Variants in DEUP1 observed in about 807,000 individuals in gnomAD.
DEUP1 encodes the protein deuterosome assembly protein 1, also known as coiled-coil domain containing 67.
DEUP1 carries 82 observed loss-of-function variants against 87.4 expected under a neutral mutation model. The ratio of observed to expected loss-of-function variants is 0.94; its 90% CI spans 0.78 to 1.13. The LOEUF is 1.13. Ranked by LOEUF, DEUP1 falls within the 50% of genes most tolerant of loss-of-function variation. DEUP1 has a pLI of 0.00. For synonymous variants in DEUP1, 214 were observed against 222.7 expected (o/e 0.96, Z 0.35); for missense variants, 663 against 681.5 (o/e 0.97, Z 0.30).
intron 2 of DEUP1, among the ~76,000 whole-genome samples, chr11:93,348,184 G>T (rs190711465): frequency 5.7e-4 from 87 of 152,240 alleles, no homozygotes; most frequent in African/African-American, 2.1e-3. Flanking sequence ...GGAGTCAGTG[G>T]TAATTTCCCC....
intron 11 of DEUP1, among the ~76,000 whole-genome samples, chr11:93,401,076 A>G (rs1404453938): frequency 4.6e-5 from 7 of 152,276 alleles, no homozygotes; most frequent in Non-Finnish European, 1.0e-4. Context: ...AACTGTTAGA[A>G]CTGATAAACA....
At chr11:93,333,216 C>A (rs772155529) in intron 2 of DEUP1, among the ~76,000 whole-genome samples, 5 of 152,188 alleles carry the variant, frequency 3.3e-5, no homozygotes, top group Non-Finnish European at 7.3e-5. Flanking sequence ...CCAAAAACAG[C>A]AGCTTAAATA....
intron 2 of DEUP1, among the ~76,000 whole-genome samples, chr11:93,347,801 G>A (rs756608298): frequency 6.6e-5 from 10 of 152,102 alleles, no homozygotes; most frequent in South Asian, 2.1e-4. Flanking sequence ...GTGAAGTGGC[G>A]TGATCTCAGC....
intron 2 of DEUP1, among the ~76,000 whole-genome samples, chr11:93,351,500 T>C (rs1488924511): frequency 6.6e-6 from 1 of 152,112 alleles, no homozygotes; most frequent in Non-Finnish European, 1.5e-5. Context: ...TTCTTCAGAG[T>C]GGAAAAAATA....
intron 2 of DEUP1, among the ~76,000 whole-genome samples, chr11:93,351,463 C>G (rs898735272): frequency 2.0e-5 from 3 of 152,038 alleles, no homozygotes; most frequent in African/African-American, 7.2e-5. Context: ...TTATTTTTTC[C>G]TAGAGCTTAC....
chr11:93,384,381 A>G (rs763623671), intron 7 of DEUP1, among the ~76,000 whole-genome samples: 8 of 152,174 alleles, frequency 5.3e-5, no homozygotes, highest in African/African-American at 1.7e-4. Context: ...TCTGCATTCC[A>G]TCTTCCTTCC....
chr11:93,414,372 G>A lies in DEUP1; in HGVS notation c.1524-628G>A, dbSNP rs894507765. 2.6e-5 allele frequency among the ~76,000 whole-genome samples: 4 copies of A among 152,190 alleles called. No homozygotes were observed. The South Asian group carries it at 8.3e-4, about 32-fold the overall frequency. ...ACTAAAAATACAGAAAATTACCCTG[G>A]CGTGGTGGCGGGCGCCTATAATCCC... On this transcript the variant is annotated intron_variant, in intron 12 of 13. Coordinates refer to ENST00000298050, the MANE Select transcript of DEUP1 (RefSeq NM_181645.4).
At chr11:93,399,904 G>T (rs987902604) in intron 11 of DEUP1, among the ~76,000 whole-genome samples, 36 of 151,908 alleles carry the variant, frequency 2.4e-4, no homozygotes, top group Middle Eastern at 3.4e-3. Flanking sequence ...TCTAGTTTTT[G>T]ATTTTAAATG....
At chr11:93,412,163 C>G (rs1947453926) in intron 12 of DEUP1, among the ~76,000 whole-genome samples, 1 of 152,118 alleles carries the variant, frequency 6.6e-6, no homozygotes, top group Non-Finnish European at 1.5e-5. Context: ...AATGGAGGGA[C>G]AGGACTGGAT....
chr11:93,436,955 T>C (rs1207033775), intron 13 of DEUP1, among the ~76,000 whole-genome samples: 1 of 152,168 alleles, frequency 6.6e-6, no homozygotes, highest in African/African-American at 2.4e-5. Context: ...CATGTCACCA[T>C]GAAGGGTGGA....
chr11:93,358,477 C>T lies in DEUP1; in HGVS notation c.297+1434C>T, dbSNP rs79629332. ...TCCCCTCCTGGAGATTAAGGGTACA[C>T]ATTAGCATATTACAGGCCATAAGAA... On this transcript the variant is annotated intron_variant, in intron 4 of 13. Transcript: ENST00000298050. 7.6e-3 allele frequency among the ~76,000 whole-genome samples: 1,152 copies of T among 152,302 alleles called. 14 individuals carry two copies. Among genetic ancestry groups the T allele is most frequent in the African/African-American group, 0.027 (1,111 of 41,556 alleles).
At chr11:93,391,589 T>A (rs1286654053) in intron 9 of DEUP1, among the ~76,000 whole-genome samples, 1 of 150,958 alleles carries the variant, frequency 6.6e-6, no homozygotes, top group Non-Finnish European at 1.5e-5. Context: ...TCACCTGTAG[T>A]CCCAGCTACT....
chr11:93,416,835 T>C (rs1443725883), intron 13 of DEUP1, among the ~76,000 whole-genome samples: 2 of 151,834 alleles, frequency 1.3e-5, no homozygotes, highest in African/African-American at 2.4e-5. Flanking sequence ...TCCACCATGA[T>C]CGAGTGGGCT....
chr11:93,394,456 C>T lies in DEUP1; in HGVS notation c.1042-3C>T, dbSNP rs550394517. 1.9e-6 allele frequency: 3 copies of T among 1,548,150 alleles called. No homozygotes were observed. Among genetic ancestry groups the T allele is most frequent in the Non-Finnish European group, 2.6e-6 (3 of 1,152,354 alleles). ...TAATATTTCCAGTCTCTATCTGCTG[C>T]AGATAAGAAGCCAACTCCAACAGGT... On this transcript the variant is annotated splice_polypyrimidine_tract_variant and splice_region_variant and intron_variant, in intron 9 of 13. Transcript: ENST00000298050.
chr11:93,430,147 C>T (rs1948059754), intron 13 of DEUP1, among the ~76,000 whole-genome samples: 1 of 152,196 alleles, frequency 6.6e-6, no homozygotes, highest in Non-Finnish European at 1.5e-5. Context: ...CTGCCACCCT[C>T]TGGCTACTGT....
chr11:93,418,026 C>G (rs1947708942), intron 13 of DEUP1, among the ~76,000 whole-genome samples: 1 of 151,826 alleles, frequency 6.6e-6, no homozygotes, highest in Non-Finnish European at 1.5e-5. Context: ...ATACAAAAAT[C>G]AATTCAAGAT....
intron 2 of DEUP1, among the ~76,000 whole-genome samples, chr11:93,353,354 G>A (rs1053936582): frequency 4.6e-5 from 7 of 152,164 alleles, no homozygotes; most frequent in Non-Finnish European, 1.0e-4. Flanking sequence ...GGCTTTGCAG[G>A]GCACAGCCTC....
At chr11:93,338,341 C>T (rs1943879848) in intron 2 of DEUP1, among the ~76,000 whole-genome samples, 1 of 151,770 alleles carries the variant, frequency 6.6e-6, no homozygotes, top group Non-Finnish European at 1.5e-5. Flanking sequence ...AATGTTTTGT[C>T]TTCTCTTCTG....
In DEUP1 at chr11:93,396,318, A is replaced by T. The variant is rs12282288; in HGVS notation, c.1319A>T (p.Glu440Val). 9.7e-5 allele frequency: 150 copies of T among 1,541,774 alleles called. 1 individual carries two copies. Among genetic ancestry groups the T allele is most frequent in the Admixed American group, 5.7e-4 (30 of 53,036 alleles). The change falls in exon 11 of 14, where the codon GAA becomes GTA. Residue 440 changes from glutamate to valine, a missense_variant. By Grantham distance (121) the Glu-to-Val change is moderately radical. Transcript: ENST00000298050. Reference sequence around the variant, plus strand: ...ATGATGGGAGATTTAGACCCCGGAGAATACATGGTAATATGCTGACATCAT... The same window carrying T: ...ATGATGGGAGATTTAGACCCCGGAGTATACATGGTAATATGCTGACATCAT... ...KGMMGDLDPG[E>V]YMSMDFTNRE...
Sources: allele counts gnomAD v4.1 joint callset (sites outside exome capture counted in the v4.1 genomes callset), GRCh38; gene constraint gnomAD v4.1.1; transcripts MANE v1.5; gene names NCBI Gene and HGNC (gene_info 2026-07-23, HGNC 2026-07-21).